The following SSH2 variants were observed in gnomAD, a reference collection of about 807,000 sequenced individuals.
The protein encoded by SSH2 is slingshot protein phosphatase 2, also known as protein phosphatase Slingshot homolog 2.
A neutral mutation model predicts 135.2 loss-of-function variants in SSH2; 37 were observed. The observed-to-expected ratio is 0.27, with a 90% CI of 0.21 to 0.36. SSH2 has a LOEUF of 0.36. Ranked by LOEUF, SSH2 falls within the 10% of genes least tolerant of loss-of-function variation. SSH2 has a pLI of 1.00. For missense variants in SSH2, 1,408 were observed against 1,765.3 expected (o/e 0.80, Z 3.63); for synonymous variants, 628 against 646.2 (o/e 0.97, Z 0.43).
At chr17:29,824,957 T>A (rs1246930668) in intron 2 of SSH2, among the ~76,000 whole-genome samples, 1 of 152,206 alleles carries the variant, frequency 6.6e-6, no homozygotes, top group Non-Finnish European at 1.5e-5. Context: ...TGGCTGTTTT[T>A]TTCATTGCCT....
intron 3 of SSH2, among the ~76,000 whole-genome samples, chr17:29,709,043 GAGA>G (rs2039339101): frequency 6.8e-6 from 1 of 147,634 alleles, no homozygotes; most frequent in African/African-American, 2.5e-5. Context: ...GAGAGAGAGA[GAGA>G]GAGAGAGCTA....
chr17:29,708,646 A>C (rs1278450564), intron 3 of SSH2, among the ~76,000 whole-genome samples: 1 of 151,262 alleles, frequency 6.6e-6, no homozygotes, highest in East Asian at 1.9e-4. Context: ...GCAGGTGAAA[A>C]CTTTTTCATG....
intron 3 of SSH2, among the ~76,000 whole-genome samples, chr17:29,733,234 T>C (rs1316043630): frequency 6.6e-6 from 1 of 152,182 alleles, no homozygotes; most frequent in African/African-American, 2.4e-5. Flanking sequence ...AATCTTGCGG[T>C]ACACAGATTT....
chr17:29,709,015 T>TATATATATATATATATAG lies in SSH2; in HGVS notation c.189-5954_189-5953insCTATATATATATATATAT, dbSNP rs780981175. Among the ~76,000 whole-genome samples, 8 of 81,590 alleles carry TATATATATATATATATAG rather than the reference T, an allele frequency of 9.8e-5. 1 individual carries two copies. The highest frequency in any genetic ancestry group is 2.0e-4 in the Non-Finnish European group (8 of 40,700). 53.5% of individuals were successfully genotyped at this position (81,590 alleles called of 152,430 possible). Reference sequence around the variant, plus strand: ...AGAAATATATATATATATATATATATAGAGAGAGAGAGAGAGAGAGAGAGA... The same window carrying TATATATATATATATATAG: ...AGAAATATATATATATATATATATATATATATATATATATATAGAGAGAGAGAGAGAGAGAGAGAGAGA... On this transcript the variant is annotated intron_variant, in intron 3 of 15. Transcript: ENST00000540801.
rs533620775 is a variant in SSH2, at chr17:29,810,607, C to T, written c.145-16670G>A. Among the ~76,000 whole-genome samples, 167 of 152,116 alleles carry T rather than the reference C, an allele frequency of 1.1e-3. 1 individual carries two copies. The highest frequency in any genetic ancestry group is 1.8e-3 in the Non-Finnish European group (124 of 68,022). On this transcript the variant is annotated intron_variant, in intron 2 of 15. Transcript: ENST00000540801. The stretch of plus-strand genomic sequence containing the variant: ...ACTACCTGGCTATTTATCCATTTTC[C>T]CCAACTGACTTGAAATTCTACCTTA...
chr17:29,917,649 TAAATCCCATCCTGGCTAACATGGTG>T (rs1284834530), intron 1 of SSH2, among the ~76,000 whole-genome samples: 2 of 152,110 alleles, frequency 1.3e-5, no homozygotes, highest in African/African-American at 2.4e-5. Context: ...AAAAATAGAA[TAAATCCCATCCTGGCTAACATGGTG>T]AAACCCCATC....
At chr17:29,678,963 G>A (rs1039028404) in intron 6 of SSH2, among the ~76,000 whole-genome samples, 2 of 151,812 alleles carry the variant, frequency 1.3e-5, no homozygotes, top group South Asian at 2.1e-4. Flanking sequence ...TGATCCACCC[G>A]TCTCAGCCTC....
intron 2 of SSH2, among the ~76,000 whole-genome samples, chr17:29,830,772 A>C (rs1439847446): frequency 6.6e-6 from 1 of 152,218 alleles, no homozygotes; most frequent in Non-Finnish European, 1.5e-5. Context: ...CAGTCAGTGA[A>C]GGAGTACCCA....
chr17:29,756,107 A>AG (rs1193901364), intron 3 of SSH2, among the ~76,000 whole-genome samples: 1 of 151,416 alleles, frequency 6.6e-6, no homozygotes, highest in East Asian at 2.0e-4. Context: ...CTCTACTAAA[A>AG]AAAGAAAGAA....
intron 3 of SSH2, among the ~76,000 whole-genome samples, chr17:29,767,937 T>A (rs910437327): frequency 6.6e-6 from 1 of 152,202 alleles, no homozygotes; most frequent in African/African-American, 2.4e-5. Flanking sequence ...GTGAATATAC[T>A]TGTTGGATCA....
chr17:29,660,923 G>GGTGC (rs1250339276), intron 11 of SSH2, among the ~76,000 whole-genome samples: 1 of 151,612 alleles, frequency 6.6e-6, no homozygotes, highest in African/African-American at 2.4e-5. Context: ...CTGGTATGGT[G>GGTGC]GTGCGTGCGT....
At chr17:29,658,679 C>A (rs891251929) in intron 11 of SSH2, among the ~76,000 whole-genome samples, 2 of 151,902 alleles carry the variant, frequency 1.3e-5, no homozygotes, top group Non-Finnish European at 2.9e-5. Flanking sequence ...ACCAGCCTGA[C>A]CACCATGGAG....
intron 3 of SSH2, among the ~76,000 whole-genome samples, chr17:29,785,006 A>AT (rs1188463206): frequency 6.6e-6 from 1 of 151,944 alleles, no homozygotes; most frequent in South Asian, 2.1e-4. Flanking sequence ...ATTTTGCTTC[A>AT]TTTTTCCCTT....
chr17:29,672,861 T>C (rs1384264206), intron 8 of SSH2, among the ~76,000 whole-genome samples: 2 of 152,078 alleles, frequency 1.3e-5, no homozygotes, highest in Non-Finnish European at 2.9e-5. Flanking sequence ...TGCATGCCAC[T>C]ACACCGGGCT....
In SSH2 at chr17:29,736,583, C is replaced by T. The variant is rs533128494; in HGVS notation, c.189-33521G>A. 7.2e-5 allele frequency among the ~76,000 whole-genome samples: 11 copies of T among 151,850 alleles called. No homozygotes were observed. The South Asian group carries it at 1.9e-3, about 26-fold the overall frequency. ...CGGGTGGATCACAAGGTCAGGAGAT[C>T]GAGACCATCCTGGCTAACATGGTGA... On this transcript the variant is annotated intron_variant, in intron 3 of 15. Transcript: ENST00000540801.
intron 11 of SSH2, among the ~76,000 whole-genome samples, chr17:29,661,796 CAGAG>C (rs2037055085): frequency 6.6e-6 from 1 of 152,086 alleles, no homozygotes. Context: ...TCTACCTGTC[CAGAG>C]AGAGTTCAAC....
intron 3 of SSH2, among the ~76,000 whole-genome samples, chr17:29,722,480 T>C (rs549644331): frequency 7.0e-4 from 106 of 152,102 alleles, no homozygotes; most frequent in African/African-American, 2.5e-3. Context: ...TTTGAGTAAC[T>C]CAAGACCAAA....
At chr17:29,751,775 T>C (rs1377651052) in intron 3 of SSH2, among the ~76,000 whole-genome samples, 1 of 152,120 alleles carries the variant, frequency 6.6e-6, no homozygotes, top group African/African-American at 2.4e-5. Flanking sequence ...TTACAGATAA[T>C]ATAATCATCC....
chr17:29,770,107 T>G (rs113972128), intron 3 of SSH2, among the ~76,000 whole-genome samples: 1,678 of 148,596 alleles, frequency 0.011, 54 homozygotes, highest in African/African-American at 0.039. Flanking sequence ...TTTTTTTTTT[T>G]TTTTTTTTTT....
Sources: allele counts gnomAD v4.1 joint callset (sites outside exome capture counted in the v4.1 genomes callset), GRCh38; gene constraint gnomAD v4.1.1; transcripts MANE v1.5; gene names NCBI Gene and HGNC (gene_info 2026-07-23, HGNC 2026-07-21).